The following NMT1 variants were observed in gnomAD, a reference collection of about 807,000 sequenced individuals.
NMT1 encodes glycylpeptide N-tetradecanoyltransferase 1.
NMT1 carries 12 observed loss-of-function variants against 63.4 expected under a neutral mutation model. The ratio of observed to expected loss-of-function variants is 0.19; its 90% confidence interval spans 0.12 to 0.31. NMT1 has a LOEUF of 0.31. Among genes scored for constraint, NMT1 ranks in the 10% least tolerant of loss-of-function variants. The pLI, the probability that NMT1 is intolerant of heterozygous loss-of-function variation, is 1.00. For synonymous variants in NMT1, 228 were observed against 234.3 expected (o/e 0.97, Z 0.25); for missense variants, 432 against 634.6 (o/e 0.68, Z 3.43).
chr17:45,081,585 G>C (rs1676428912), intron 1 of NMT1, 59 bp from the exon 2 acceptor site: 1 of 1,435,536 alleles, frequency 7.0e-7, no homozygotes, highest in African/African-American at 1.4e-5. Context: ...CTCTTTGTCA[G>C]GGGTAGCACA....
intron 1 of NMT1, among the ~76,000 whole-genome samples, chr17:45,062,084 A>G (rs2053866961): frequency 1.3e-5 from 2 of 152,326 alleles, no homozygotes; most frequent in South Asian, 2.1e-4. Flanking sequence ...GTCTTCGAAC[A>G]TCTTTGCCTT....
chr17:45,061,925 A>G (rs1400500204), intron 1 of NMT1: 1 of 153,350 alleles, frequency 6.5e-6, no homozygotes, highest in Non-Finnish European at 1.5e-5. Context: ...GTATAATTAT[A>G]TTGTAAAATA....
At position 45,107,114 on chromosome 17, in the gene NMT1, T is replaced by G. The variant is rs1216704574; in HGVS notation, c.*1475T>G. The G allele has an allele frequency of 6.6e-6, 1 of 152,228 alleles. No individual in the cohort carries two copies. The highest frequency in any genetic ancestry group is 1.5e-5 in the Non-Finnish European group (1 of 68,050). 9.4% of individuals were successfully genotyped at this position (152,228 alleles called of 1,614,324 possible). ...CGTCACCTCTCCGCTCATACAGGAA[T>G]GAAGCCTTAGCCAGGAGGCCAGGCT... On this transcript the variant is annotated 3_prime_UTR_variant, in exon 12 of 12. Transcript: ENST00000258960.
chr17:45,077,168 T>G (rs972038339), intron 1 of NMT1, among the ~76,000 whole-genome samples: 4 of 152,200 alleles, frequency 2.6e-5, no homozygotes, highest in African/African-American at 9.7e-5. Flanking sequence ...TCTACAGCAG[T>G]TCTTCACCTT....
chr17:45,102,927 C>A, intron 8 of NMT1, 24 bp from the exon 9 acceptor site: 1 of 1,595,148 alleles, frequency 6.3e-7, no homozygotes, highest in South Asian at 1.1e-5. Flanking sequence ...TCATCTCACT[C>A]CATCTCTTCT....
chr17:45,091,236 A>ACACG (rs1567868458), intron 3 of NMT1, among the ~76,000 whole-genome samples: 1 of 119,158 alleles, frequency 8.4e-6, no homozygotes, highest in Non-Finnish European at 1.9e-5. Context: ...ACACACACAC[A>ACACG]CGTCCCATAG....
At chr17:45,091,724 A>C (rs1160857170) in intron 3 of NMT1, among the ~76,000 whole-genome samples, 1 of 152,138 alleles carries the variant, frequency 6.6e-6, no homozygotes, top group African/African-American at 2.4e-5. Flanking sequence ...CTACTTTATG[A>C]ATAATCAAAT....
rs533732936 is a variant in NMT1 at position 45,102,732 on chromosome 17, A to T, written c.994-219A>T. Reference sequence around the variant, plus strand: ...AGGGAGTCAGCCTGGGGCCATGTAGATGGTTGATTGATGTAGCAGTCTGAG... The same window carrying T: ...AGGGAGTCAGCCTGGGGCCATGTAGTTGGTTGATTGATGTAGCAGTCTGAG... On this transcript the variant is annotated intron_variant, in intron 8 of 11. Transcript: ENST00000258960. Among the ~76,000 whole-genome samples the T allele has an allele frequency of 7.9e-5, 12 of 152,302 alleles. No homozygotes were observed. The East Asian group carries it at 2.3e-3, about 29-fold the overall frequency.
chr17:45,102,826 G>A lies in NMT1; in HGVS notation c.994-125G>A, dbSNP rs537894360. ...GCAGGCCCTGTGCCTGAGGAGATAT[G>A]CACGGGGGTGCAGGGAGCCGCCGAA... is the stretch of plus-strand genomic sequence containing the variant. On this transcript the variant is annotated intron_variant, in intron 8 of 11. Coordinates refer to ENST00000258960, the MANE Select transcript of NMT1 (RefSeq NM_021079.5). 19 of 791,200 alleles carry A rather than the reference G, an allele frequency of 2.4e-5. No homozygotes were observed. In the South Asian group the frequency reaches 3.8e-4, roughly 16 times the overall value. The allele number at this position is 791,200 out of a possible 1,614,324, so 49.0% of individuals were successfully genotyped here.
chr17:45,094,710 T>G (rs749816224), intron 4 of NMT1, among the ~76,000 whole-genome samples: 2 of 151,670 alleles, frequency 1.3e-5, no homozygotes, highest in Non-Finnish European at 2.9e-5. Flanking sequence ...AGATGGTGTT[T>G]CACCATGTTG....
intron 1 of NMT1, among the ~76,000 whole-genome samples, chr17:45,064,522 T>C (rs1288386122): frequency 6.6e-6 from 1 of 152,202 alleles, no homozygotes; most frequent in African/African-American, 2.4e-5. Flanking sequence ...GACTTTGGAA[T>C]AATTTAAATC....
At chr17:45,078,812 A>G (rs1305601326) in intron 1 of NMT1, among the ~76,000 whole-genome samples, 1 of 151,814 alleles carries the variant, frequency 6.6e-6, no homozygotes, top group Non-Finnish European at 1.5e-5. Context: ...ACAAGTGTGC[A>G]CCACCACACC....
intron 1 of NMT1, among the ~76,000 whole-genome samples, chr17:45,069,545 C>G (rs2053926662): frequency 6.6e-6 from 1 of 152,108 alleles, no homozygotes. Flanking sequence ...CCCACCTCAG[C>G]CTCCCAAAGT....
chr17:45,075,315 C>G (rs1254670438), intron 1 of NMT1, among the ~76,000 whole-genome samples: 1 of 151,848 alleles, frequency 6.6e-6, no homozygotes, highest in Non-Finnish European at 1.5e-5. Flanking sequence ...GAAACCCCGT[C>G]TCTACTAAAA....
intron 2 of NMT1, among the ~76,000 whole-genome samples, chr17:45,084,374 G>T (rs1055526073): frequency 1.4e-5 from 2 of 140,318 alleles, no homozygotes; most frequent in East Asian, 4.1e-4. Context: ...TCGCTCTGTC[G>T]CCCAGGCTAG....
rs374691509 is a variant in NMT1 at position 45,087,878 on chromosome 17, G to T, written c.385+1226G>T. On this transcript the variant is annotated intron_variant, in intron 3 of 11. Transcript: ENST00000258960. The stretch of plus-strand genomic sequence containing the variant: ...AGGAGATTTGTTTGCTGCAGAGGTT[G>T]GGAGCAGCTAATCCATGAGGCCTGC... Among the ~76,000 whole-genome samples, 5 of 152,254 alleles carry T rather than the reference G, an allele frequency of 3.3e-5. No individual in the cohort carries two copies. The East Asian group carries it at 5.8e-4, about 18-fold the overall frequency.
intron 3 of NMT1, among the ~76,000 whole-genome samples, chr17:45,090,042 G>A (rs2054077910): frequency 6.6e-6 from 1 of 152,026 alleles, no homozygotes; most frequent in Non-Finnish European, 1.5e-5. Flanking sequence ...CAGCACTTTG[G>A]GAGGCCAAGG....
At chr17:45,077,735 A>G (rs1315648695) in intron 1 of NMT1, among the ~76,000 whole-genome samples, 1 of 152,166 alleles carries the variant, frequency 6.6e-6, no homozygotes, top group Admixed American at 6.6e-5. Flanking sequence ...TAATCCTGAG[A>G]CTGAAGTGAA....
chr17:45,080,153 TCTTTTTTTTTTCC>T (rs1262903141), intron 1 of NMT1, among the ~76,000 whole-genome samples: 1 of 149,358 alleles, frequency 6.7e-6, no homozygotes, highest in Non-Finnish European at 1.5e-5. Flanking sequence ...TTTAGGCATT[TCTTTTTTTTTTCC>T]CTTTTTTTTT....
Sources: allele counts gnomAD v4.1 joint callset (sites outside exome capture counted in the v4.1 genomes callset), GRCh38; gene constraint gnomAD v4.1.1; transcripts MANE v1.5; gene names NCBI Gene and HGNC (gene_info 2026-07-23, HGNC 2026-07-21).